The following SYT1 variants were observed in gnomAD, a reference collection of about 807,000 sequenced individuals.
SYT1 encodes the protein synaptotagmin 1.
SYT1 carries 8 observed loss-of-function variants against 44.8 expected under a neutral mutation model. That is an observed-to-expected ratio of 0.18 (90% CI 0.10 to 0.32). SYT1 has a LOEUF of 0.32. SYT1 is among the 10% of genes least tolerant of loss of function. The pLI is 1.00. For missense variants in SYT1, 286 were observed against 509.3 expected (o/e 0.56, Z 4.22); for synonymous variants, 154 against 188.8 (o/e 0.82, Z 1.51).
intron 2 of SYT1, among the ~76,000 whole-genome samples, chr12:79,043,670 T>C (rs1873767800): frequency 1.3e-5 from 2 of 152,150 alleles, no homozygotes; most frequent in African/African-American, 4.8e-5. Flanking sequence ...CCTGTCATTA[T>C]GATGTTAGCT....
At chr12:79,380,006 C>G (rs1266459145) in intron 9 of SYT1, among the ~76,000 whole-genome samples, 1 of 152,148 alleles carries the variant, frequency 6.6e-6, no homozygotes, top group Non-Finnish European at 1.5e-5. Flanking sequence ...GTCATCTTTT[C>G]TGATTTGTGG....
At chr12:79,395,373 C>A (rs1884827660) in intron 9 of SYT1, among the ~76,000 whole-genome samples, 2 of 152,070 alleles carry the variant, frequency 1.3e-5, no homozygotes, top group African/African-American at 4.8e-5. Context: ...GGCCCACGAC[C>A]ACGCCCAGCT....
chr12:79,340,353 T>C (rs535853889), intron 8 of SYT1, among the ~76,000 whole-genome samples: 50 of 152,332 alleles, frequency 3.3e-4, no homozygotes, highest in Admixed American at 1.2e-3. Flanking sequence ...CCTTGAGCAG[T>C]GGTTTGTAGT....
chr12:78,985,681 C>T (rs1431732093), intron 2 of SYT1, among the ~76,000 whole-genome samples: 1 of 151,720 alleles, frequency 6.6e-6, no homozygotes, highest in African/African-American at 2.4e-5. Flanking sequence ...TTATATAGTG[C>T]TGGTTAATTC....
At chr12:79,127,538 TA>T (rs1273193252) in intron 3 of SYT1, among the ~76,000 whole-genome samples, 7 of 151,648 alleles carry the variant, frequency 4.6e-5, no homozygotes, top group Non-Finnish European at 7.4e-5. Context: ...AAGATAGGAA[TA>T]ATGATAGTAC....
intron 8 of SYT1, among the ~76,000 whole-genome samples, chr12:79,346,822 C>T (rs766304233): frequency 9.2e-5 from 14 of 152,082 alleles, no homozygotes; most frequent in Non-Finnish European, 1.8e-4. Context: ...ACAATTATTT[C>T]GAAGCTTTTA....
rs1391092286 is a variant in SYT1 at position 78,932,988 on chromosome 12, G to A, written c.-216-44811G>A. 4.6e-5 allele frequency among the ~76,000 whole-genome samples: 7 copies of A among 151,968 alleles called. 1 individual carries two copies. The highest frequency in any genetic ancestry group is 2.0e-4 in the Admixed American group (3 of 15,246). ...AAGCAAATTTATATCACCTTAAGAC[G>A]TCCAAAAGTATAAAGGTTATTGGAC... On this transcript the variant is annotated intron_variant, in intron 1 of 10. Coordinates refer to ENST00000261205, the MANE Select transcript of SYT1 (RefSeq NM_005639.3).
At chr12:79,133,081 AGGCTTGGAATGT>A (rs1196455559) in intron 3 of SYT1, among the ~76,000 whole-genome samples, 1 of 152,162 alleles carries the variant, frequency 6.6e-6, no homozygotes, top group Non-Finnish European at 1.5e-5. Flanking sequence ...TAGTTACTAG[AGGCTTGGAATGT>A]GGTGGTCAGG....
chr12:79,134,132 G>A (rs1195229865), intron 3 of SYT1, among the ~76,000 whole-genome samples: 2 of 152,108 alleles, frequency 1.3e-5, no homozygotes, highest in African/African-American at 4.8e-5. Context: ...AACCAAATCT[G>A]CCTTTACTTT....
intron 3 of SYT1, among the ~76,000 whole-genome samples, chr12:79,183,683 C>G (rs1243827185): frequency 6.6e-6 from 1 of 152,008 alleles, no homozygotes; most frequent in East Asian, 1.9e-4. Flanking sequence ...TCCTTTCAAG[C>G]TAATTTTTCT....
At chr12:78,984,538 C>T (rs2137454434) in intron 2 of SYT1, among the ~76,000 whole-genome samples, 1 of 151,874 alleles carries the variant, frequency 6.6e-6, no homozygotes. Flanking sequence ...AGAAATCCTA[C>T]AACTCAACAA....
In SYT1 at chr12:79,105,920, A is replaced by G. The variant is rs146745020; in HGVS notation, c.-18+58558A>G. Among the ~76,000 whole-genome samples the G allele has an allele frequency of 5.0e-3, 759 of 152,164 alleles. 6 individuals are homozygous for G. The highest frequency in any genetic ancestry group is 0.014 in the Middle Eastern group (4 of 292). ...AAAAAAAGGCAATTTAATTTGTTCT[A>G]AGATAGAGACCAAAGAGAAGGACTG... On this transcript the variant is annotated intron_variant, in intron 3 of 10. Coordinates refer to ENST00000261205, the MANE Select transcript of SYT1 (RefSeq NM_005639.3).
intron 4 of SYT1, among the ~76,000 whole-genome samples, chr12:79,247,036 A>C (rs1876891616): frequency 6.6e-6 from 1 of 152,188 alleles, no homozygotes; most frequent in Admixed American, 6.5e-5. Context: ...AATAAAAGCA[A>C]CAGATTCAAA....
intron 8 of SYT1, among the ~76,000 whole-genome samples, chr12:79,331,533 C>A (rs1013724365): frequency 1.3e-5 from 2 of 151,958 alleles, no homozygotes; most frequent in Non-Finnish European, 2.9e-5. Flanking sequence ...AAATTTATGT[C>A]TTTTGAGTTA....
At chr12:79,249,265 C>A (rs895475636) in intron 4 of SYT1, among the ~76,000 whole-genome samples, 1 of 151,358 alleles carries the variant, frequency 6.6e-6, no homozygotes, top group East Asian at 1.9e-4. Context: ...CCACCGCGCC[C>A]GGCTAATTTT....
chr12:79,217,751 G>C, intron 4 of SYT1, 66 bp downstream of exon 4: 1 of 1,411,402 alleles, frequency 7.1e-7, no homozygotes, highest in East Asian at 2.4e-5. Flanking sequence ...CCATTGGAAA[G>C]AAAGTAGAAC....
At chr12:79,283,232 A>G (rs1244820609) in intron 4 of SYT1, among the ~76,000 whole-genome samples, 1 of 152,178 alleles carries the variant, frequency 6.6e-6, no homozygotes, top group Non-Finnish European at 1.5e-5. Flanking sequence ...ATTTCATTAT[A>G]TTTAATACAG....
chr12:79,195,035 G>A (rs918949796), intron 3 of SYT1, among the ~76,000 whole-genome samples: 3 of 152,100 alleles, frequency 2.0e-5, no homozygotes, highest in Admixed American at 1.3e-4. Context: ...ACAAATAAGC[G>A]AGAAAATCCC....
chr12:79,121,290 C>T (rs973073670), intron 3 of SYT1, among the ~76,000 whole-genome samples: 13 of 152,254 alleles, frequency 8.5e-5, no homozygotes, highest in African/African-American at 2.6e-4. Context: ...ACCTCCTTCC[C>T]AGCCATTGCT....
Sources: gnomAD v4.1 joint callset for allele counts (sites outside exome capture counted in the v4.1 genomes callset) on GRCh38, gnomAD v4.1.1 for gene constraint, MANE v1.5 for transcripts, NCBI Gene and HGNC (gene_info 2026-07-23, HGNC 2026-07-21) for gene names.